FAM168A: variants seen among roughly 807,000 people sequenced by gnomAD.
FAM168A encodes family with sequence similarity 168 member A.
Under a neutral mutation model 28.5 loss-of-function variants are expected in FAM168A, and 3 were observed. The observed-to-expected ratio is 0.11, with a 90% CI of 0.05 to 0.27. FAM168A has a LOEUF of 0.27. Ranked by LOEUF, FAM168A falls within the 10% of genes least tolerant of loss-of-function variation. The probability of loss-of-function intolerance (pLI) is 1.00; values close to 1 mark genes in which losing one functional copy is unlikely to be tolerated. For missense variants in FAM168A, 222 were observed against 311.5 expected (o/e 0.71, Z 2.16); for synonymous variants, 122 against 124.2 (o/e 0.98, Z 0.12).
In FAM168A at chr11:73,430,786, A is replaced by C; in HGVS notation, c.71-16T>G. On this transcript the variant is annotated splice_polypyrimidine_tract_variant and intron_variant, in intron 2 of 7. Transcript: ENST00000356467. ...GTGGGGTAACCTACAGAGAGATAAG[A>C]AAAGGCTTATTTAGTTAGGCAAAAA... The C allele has an allele frequency of 6.4e-7, 1 of 1,563,136 alleles. No individual in the cohort carries two copies. The highest frequency in any genetic ancestry group is 8.6e-7 in the Non-Finnish European group (1 of 1,156,480).
intron 2 of FAM168A, among the ~76,000 whole-genome samples, chr11:73,462,753 G>A (rs1867669099): frequency 6.6e-6 from 1 of 151,834 alleles, no homozygotes; most frequent in Admixed American, 6.6e-5. Context: ...GTACGTGCCA[G>A]CTAAGAAGGC....
At chr11:73,433,543 T>C (rs1431779602) in intron 2 of FAM168A, among the ~76,000 whole-genome samples, 3 of 152,174 alleles carry the variant, frequency 2.0e-5, no homozygotes, top group African/African-American at 7.2e-5. Context: ...TGATCCATTT[T>C]GAGTTAATTT....
At chr11:73,473,748 C>T (rs921673912) in intron 1 of FAM168A, among the ~76,000 whole-genome samples, 2 of 152,036 alleles carry the variant, frequency 1.3e-5, no homozygotes, top group African/African-American at 4.8e-5. Flanking sequence ...TCAGAAATGC[C>T]TTCCTTAACC....
At chr11:73,425,651 G>A (rs1866873719) in intron 3 of FAM168A, among the ~76,000 whole-genome samples, 2 of 152,272 alleles carry the variant, frequency 1.3e-5, no homozygotes, top group South Asian at 4.1e-4. Flanking sequence ...TGCAATGATA[G>A]CTCAATGCAG....
chr11:73,446,315 T>C (rs1867314261), intron 2 of FAM168A, among the ~76,000 whole-genome samples: 1 of 152,184 alleles, frequency 6.6e-6, no homozygotes, highest in African/African-American at 2.4e-5. Flanking sequence ...TAACTCTCAG[T>C]AGCTGGATGA....
chr11:73,407,620 G>A lies in FAM168A; in HGVS notation c.619C>T (p.His207Tyr). Residue 207 changes from histidine (H) to tyrosine (Y), a missense_variant, in exon 7 of 8, where the codon CAC becomes TAC. By Grantham distance (83) the His-to-Tyr change is moderately conservative. This residue lies in a region of FAM168A where 64 missense variants were observed against 94.6 expected (regional missense o/e 0.68). Coordinates refer to ENST00000356467, the MANE Select transcript of FAM168A (RefSeq NM_015159.3). ...ACAGGGTGTGCCCCAATCGCCGTGT[G>A]CTGGGGTGTAGTCAGCAGGGTACCT... is the stretch of plus-strand genomic sequence containing the variant. ...SAGTLLTTPQ[H>Y]TAIGAHPVSM... The A allele has an allele frequency of 6.2e-7, 1 of 1,611,240 alleles. No homozygotes were observed. Among genetic ancestry groups the A allele is most frequent in the South Asian group, 1.1e-5 (1 of 90,662 alleles).
chr11:73,415,078 A>C (rs1477993482), intron 4 of FAM168A, among the ~76,000 whole-genome samples: 1 of 152,262 alleles, frequency 6.6e-6, no homozygotes. Context: ...AGACTGCAGT[A>C]GAATTTGGTT....
intron 1 of FAM168A, among the ~76,000 whole-genome samples, chr11:73,574,574 TTTTCTGAGATGGAG>T (rs1944148263): frequency 6.6e-6 from 1 of 152,152 alleles, no homozygotes; most frequent in Non-Finnish European, 1.5e-5. Context: ...GGCCATCTTT[TTTTCTGAGATGGAG>T]TTTCCCTCTT....
intron 2 of FAM168A, among the ~76,000 whole-genome samples, chr11:73,439,031 C>T (rs1022204760): frequency 6.6e-6 from 1 of 150,646 alleles, no homozygotes; most frequent in Non-Finnish European, 1.5e-5. Context: ...CAGAAAAATG[C>T]ATGAATCTGA....
intron 1 of FAM168A, among the ~76,000 whole-genome samples, chr11:73,511,216 C>T (rs1322520587): frequency 6.6e-6 from 1 of 151,764 alleles, no homozygotes; most frequent in Non-Finnish European, 1.5e-5. Flanking sequence ...GAGCAATAAG[C>T]TCCAGTAGCA....
At chr11:73,517,539 G>A (rs1201559848) in intron 1 of FAM168A, among the ~76,000 whole-genome samples, 2 of 152,092 alleles carry the variant, frequency 1.3e-5, no homozygotes, top group East Asian at 3.9e-4. Context: ...TGTTTCGGCG[G>A]GGGCGGGGGG....
intron 1 of FAM168A, among the ~76,000 whole-genome samples, chr11:73,532,364 C>T (rs898872955): frequency 2.0e-5 from 3 of 152,036 alleles, no homozygotes; most frequent in Non-Finnish European, 2.9e-5. Flanking sequence ...TATAAAATTG[C>T]TCTACTGAAT....
chr11:73,561,439 T>C (rs189032371), intron 1 of FAM168A, among the ~76,000 whole-genome samples: 1 of 152,138 alleles, frequency 6.6e-6, no homozygotes, highest in East Asian at 1.9e-4. Context: ...AAATTTGTAG[T>C]TCACCTATAG....
At chr11:73,561,844 T>G (rs903433106) in intron 1 of FAM168A, among the ~76,000 whole-genome samples, 3 of 152,176 alleles carry the variant, frequency 2.0e-5, no homozygotes, top group Non-Finnish European at 4.4e-5. Flanking sequence ...AAAAATAAAT[T>G]TTTAGATAAT....
intron 1 of FAM168A, among the ~76,000 whole-genome samples, chr11:73,584,059 T>G (rs1411990268): frequency 6.6e-6 from 1 of 152,178 alleles, no homozygotes; most frequent in African/African-American, 2.4e-5. Context: ...CAGAAATATA[T>G]TTTTAAAAAC....
At chr11:73,529,397 T>C (rs1943488510) in intron 1 of FAM168A, among the ~76,000 whole-genome samples, 1 of 152,154 alleles carries the variant, frequency 6.6e-6, no homozygotes, top group African/African-American at 2.4e-5. Flanking sequence ...ATTTTAAAAA[T>C]GGGCTCCAGA....
At chr11:73,536,141 C>T (rs139614952) in intron 1 of FAM168A, among the ~76,000 whole-genome samples, 6 of 152,264 alleles carry the variant, frequency 3.9e-5, no homozygotes, top group Admixed American at 2.6e-4. Flanking sequence ...CCATCACACT[C>T]GGCCAGCATT....
intron 1 of FAM168A, among the ~76,000 whole-genome samples, chr11:73,562,135 G>A (rs1943966693): frequency 6.6e-6 from 1 of 152,144 alleles, no homozygotes; most frequent in Non-Finnish European, 1.5e-5. Context: ...TAGAGATAGG[G>A]TTTCACCATG....
At chr11:73,590,975 T>G (rs529233175) in intron 1 of FAM168A, among the ~76,000 whole-genome samples, 1 of 152,252 alleles carries the variant, frequency 6.6e-6, no homozygotes, top group African/African-American at 2.4e-5. Flanking sequence ...AAATCCCATC[T>G]CTACCAAAAA....
Sources: allele counts gnomAD v4.1 joint callset (sites outside exome capture counted in the v4.1 genomes callset), GRCh38; gene constraint gnomAD v4.1.1; regional missense constraint gnomAD v4.1.1; transcripts MANE v1.5; gene names NCBI Gene and HGNC (gene_info 2026-07-23, HGNC 2026-07-21).